DNAH3: variants seen among roughly 807,000 people sequenced by gnomAD.
The protein encoded by DNAH3 is dynein axonemal heavy chain 3, also known as axonemal beta dynein heavy chain 3.
A neutral mutation model predicts 432.5 loss-of-function variants in DNAH3; 332 were observed. That is an observed-to-expected ratio of 0.77 (90% confidence interval 0.70 to 0.84). DNAH3 has a LOEUF of 0.84. DNAH3 is among the 40% of genes least tolerant of loss of function. The pLI is 0.00. For synonymous variants in DNAH3, 1,956 were observed against 1,900.2 expected (o/e 1.03, Z -0.76); for missense variants, 4,861 against 5,114.0 (o/e 0.95, Z 1.51).
intron 54 of DNAH3, 145 bp downstream of exon 54, chr16:20,959,034 C>A (rs1230482749): frequency 6.4e-6 from 5 of 778,412 alleles, no homozygotes; most frequent in Non-Finnish European, 1.0e-5. Flanking sequence ...TTCCAAAGTG[C>A]TGGGATTACA....
At chr16:21,054,593 A>G in intron 27 of DNAH3, 59 bp from the exon 28 acceptor site, 1 of 1,286,000 alleles carries the variant, frequency 7.8e-7, no homozygotes, top group Non-Finnish European at 1.1e-6. Context: ...GGTAATCCCC[A>G]TGTCAAGAAA....
intron 57 of DNAH3, 139 bp from the exon 58 acceptor site, chr16:20,944,802 CGCTGGGAGA>C: frequency 1.0e-4 from 82 of 812,580 alleles, no homozygotes; most frequent in Middle Eastern, 3.7e-4. Context: ...CACACACACA[CGCTGGGAGA>C]ACACAACCCT....
chr16:20,974,087 C>T (rs1047187791), intron 51 of DNAH3, among the ~76,000 whole-genome samples: 1 of 151,942 alleles, frequency 6.6e-6, no homozygotes, highest in African/African-American at 2.4e-5. Flanking sequence ...AGTGGTGCGA[C>T]CTGGACCCAC....
At chr16:21,153,064 G>C (rs2092873450) in intron 1 of DNAH3, among the ~76,000 whole-genome samples, 2 of 152,234 alleles carry the variant, frequency 1.3e-5, no homozygotes, top group South Asian at 4.1e-4. Context: ...GGGCTCCTGA[G>C]TCTGATGGGG....
chr16:21,067,546 C>A, intron 23 of DNAH3, 127 bp from the exon 24 acceptor site: 2 of 924,100 alleles, frequency 2.2e-6, no homozygotes, highest in Non-Finnish European at 1.7e-6. Flanking sequence ...CCTGATCCCC[C>A]TCCTAACTGC....
chr16:21,031,537 G>A (rs1464383705), intron 36 of DNAH3, among the ~76,000 whole-genome samples: 2 of 151,902 alleles, frequency 1.3e-5, no homozygotes, highest in African/African-American at 4.8e-5. Flanking sequence ...GGGAAATGGA[G>A]GCTGCAGTGA....
chr16:21,115,787 A>G (rs1470445092), intron 12 of DNAH3, among the ~76,000 whole-genome samples: 1 of 151,914 alleles, frequency 6.6e-6, no homozygotes, highest in Non-Finnish European at 1.5e-5. Flanking sequence ...AAATAAAATA[A>G]CTGTGTGTCT....
intron 12 of DNAH3, among the ~76,000 whole-genome samples, chr16:21,116,822 C>A (rs1363485588): frequency 1.3e-5 from 2 of 152,168 alleles, no homozygotes; most frequent in Non-Finnish European, 2.9e-5. Flanking sequence ...GGTTTCCCTG[C>A]AGAAATATCA....
At chr16:21,101,979 G>A (rs1047939740) in intron 16 of DNAH3, among the ~76,000 whole-genome samples, 4 of 152,234 alleles carry the variant, frequency 2.6e-5, no homozygotes, top group Non-Finnish European at 5.9e-5. Context: ...CATTAATGTG[G>A]ACTGGGAAAA....
intron 40 of DNAH3, among the ~76,000 whole-genome samples, chr16:21,020,525 C>T (rs1233434172): frequency 6.8e-6 from 1 of 147,918 alleles, no homozygotes; most frequent in African/African-American, 2.5e-5. Context: ...GCCTCAGCCT[C>T]CCAAGTAGCT....
intron 6 of DNAH3, 24 bp downstream of exon 7, chr16:21,136,300 C>A: frequency 6.2e-7 from 1 of 1,609,964 alleles, no homozygotes; most frequent in Non-Finnish European, 8.5e-7. Context: ...GCTCCCCAGC[C>A]CCCTTTATGC....
At chr16:20,984,479 T>C (rs544406820) in intron 48 of DNAH3, among the ~76,000 whole-genome samples, 42 of 152,186 alleles carry the variant, frequency 2.8e-4, no homozygotes, top group African/African-American at 9.1e-4. Flanking sequence ...TCTAGATACA[T>C]TGGAAATGTC....
chr16:20,997,363 T>A (rs747192864), exon 44 of DNAH3: 2 of 1,614,122 alleles, frequency 1.2e-6, no homozygotes, highest in South Asian at 2.2e-5. Flanking sequence ...CCTGGTTGTG[T>A]CTTTTTTGTC....
At chr16:20,962,713 G>A (rs2084882247) in intron 53 of DNAH3, among the ~76,000 whole-genome samples, 1 of 152,202 alleles carries the variant, frequency 6.6e-6, no homozygotes. Context: ...CTGGAGTGCA[G>A]TGGTGTGATC....
At chr16:20,955,586 C>T (rs1596940407) in intron 54 of DNAH3, among the ~76,000 whole-genome samples, 1 of 152,072 alleles carries the variant, frequency 6.6e-6, no homozygotes, top group East Asian at 1.9e-4. Flanking sequence ...AGGTGTGAGT[C>T]CCCGTGCCTG....
rs759395671 is a variant in DNAH3, at chr16:21,104,465, C to T, written c.2366+6G>A. ...TTTCCAAGACAATCCCAGACTCTCC[C>T]GGTACCTTTTAATCAGATCCATTTC... On this transcript the variant is annotated splice_donor_region_variant and intron_variant, in intron 16 of 61. Transcript: ENST00000261383. The T allele has an allele frequency of 3.2e-5, 51 of 1,613,072 alleles. No homozygotes were observed. Among genetic ancestry groups the T allele is most frequent in the East Asian group, 1.1e-4 (5 of 44,888 alleles).
intron 21 of DNAH3, among the ~76,000 whole-genome samples, chr16:21,071,168 GA>G (rs2090767050): frequency 6.6e-6 from 1 of 151,972 alleles, no homozygotes; most frequent in African/African-American, 2.4e-5. Flanking sequence ...TCAGCCTCCT[GA>G]ATAGCTGGGA....
intron 44 of DNAH3, 74 bp from the exon 45 acceptor site, chr16:20,988,139 A>G: frequency 6.3e-7 from 1 of 1,584,422 alleles, no homozygotes; most frequent in Non-Finnish European, 8.6e-7. Flanking sequence ...CCTAGGATGC[A>G]CACGAGGTGG....
chr16:21,019,970 G>A (rs2152709979), intron 40 of DNAH3, 101 bp from the exon 41 acceptor site: 2 of 1,375,242 alleles, frequency 1.5e-6, no homozygotes, highest in Non-Finnish European at 2.0e-6. Flanking sequence ...TGGGCCAGAA[G>A]GGCGACTGAT....
Sources: allele counts gnomAD v4.1 joint callset (sites outside exome capture counted in the v4.1 genomes callset), GRCh38; gene constraint gnomAD v4.1.1; transcripts MANE v1.5; gene names NCBI Gene and HGNC (gene_info 2026-07-23, HGNC 2026-07-21).